Variants in KREMEN1 observed in about 807,000 individuals in gnomAD.
KREMEN1 encodes the protein kringle containing transmembrane protein 1, also known as kremen protein 1.
Under a neutral mutation model 46.5 loss-of-function variants are expected in KREMEN1, and 30 were observed. The ratio of observed to expected loss-of-function variants is 0.65; its 90% CI spans 0.48 to 0.88. The LOEUF (loss-of-function observed/expected upper bound fraction) is 0.88. KREMEN1 is among the 40% of genes least tolerant of loss of function. The pLI is 0.00. For synonymous variants in KREMEN1, 214 were observed against 230.6 expected (o/e 0.93, Z 0.65); for missense variants, 533 against 596.9 (o/e 0.89, Z 1.11).
At position 29,084,897 on chromosome 22, in the gene KREMEN1, G is replaced by A. The variant is rs138187109; in HGVS notation, c.98-9361G>A. Reference sequence around the variant, plus strand: ...TTTGAGAGGCATGGCCTTTCCTTCCGTACTGTTTTTAAGGGCACCATCTCC... The same window carrying A: ...TTTGAGAGGCATGGCCTTTCCTTCCATACTGTTTTTAAGGGCACCATCTCC... On this transcript the variant is annotated intron_variant, in intron 1 of 8. Transcript: ENST00000400335. Among the ~76,000 whole-genome samples the A allele has an allele frequency of 3.8e-3, 581 of 152,066 alleles. 2 individuals carry two copies. Among genetic ancestry groups the A allele is most frequent in the African/African-American group, 9.2e-3 (381 of 41,464 alleles).
intron 3 of KREMEN1, among the ~76,000 whole-genome samples, chr22:29,115,192 CA>C (rs71324741): frequency 0.073 from 11,125 of 152,166 alleles, 551 homozygotes; most frequent in South Asian, 0.099. Context: ...AATGGAAAAC[CA>C]AACATTGTAT....
chr22:29,093,487 C>G (rs2037832734), intron 1 of KREMEN1, among the ~76,000 whole-genome samples: 1 of 152,200 alleles, frequency 6.6e-6, no homozygotes, highest in Admixed American at 6.5e-5. Flanking sequence ...CAGTCCCCAT[C>G]CCCCAAAGTC....
chr22:29,164,966 G>A (rs132312), intron 9 of KREMEN1, among the ~76,000 whole-genome samples: 134,245 of 151,658 alleles, frequency 0.89, 59,832 homozygotes, highest in Non-Finnish European at 0.93. Flanking sequence ...CAAAGTCAGG[G>A]GTTCTAGACC....
intron 2 of KREMEN1, among the ~76,000 whole-genome samples, chr22:29,096,067 T>C (rs2037878369): frequency 6.6e-6 from 1 of 152,194 alleles, no homozygotes; most frequent in Non-Finnish European, 1.5e-5. Flanking sequence ...TATTAAATAG[T>C]TCTTTTATAT....
chr22:29,073,305 GC>G lies in KREMEN1; in HGVS notation c.97+83del. 1 of 499,650 alleles carries G rather than the reference GC, an allele frequency of 2.0e-6. No individual in the cohort carries two copies. Among genetic ancestry groups the G allele is most frequent in the Non-Finnish European group, 2.8e-6 (1 of 355,412 alleles). 31.0% of individuals were successfully genotyped at this position (499,650 alleles called of 1,614,324 possible). A position where few individuals can be genotyped will look rare whatever the true frequency, so the allele number is the denominator to read the frequency against. ...GCGACAAGGGCCGGCCGGCCTGAGA[GC>G]CCCCTCCCTCCCGCTTCAGGACCTT... On this transcript the variant is annotated intron_variant, in intron 1 of 8. Transcript: ENST00000400335. This position sits in a 1 kb window ranked among gnomAD's most constrained non-coding sequence, Gnocchi z 4.4.
chr22:29,076,481 GA>G (rs1433668024), intron 1 of KREMEN1, among the ~76,000 whole-genome samples: 1 of 152,186 alleles, frequency 6.6e-6, no homozygotes, highest in Non-Finnish European at 1.5e-5. Flanking sequence ...AGTATTTTAA[GA>G]AACACCATTT....
At chr22:29,095,949 C>T (rs2037877355) in intron 2 of KREMEN1, among the ~76,000 whole-genome samples, 1 of 152,006 alleles carries the variant, frequency 6.6e-6, no homozygotes, top group Admixed American at 6.5e-5. Flanking sequence ...ACCTATTTTC[C>T]CTGAAACCCT....
chr22:29,156,021 T>C (rs2038958568), intron 9 of KREMEN1, among the ~76,000 whole-genome samples: 1 of 152,124 alleles, frequency 6.6e-6, no homozygotes, highest in African/African-American at 2.4e-5. Context: ...TCTCTCTCAC[T>C]GTCACACTGC....
intron 3 of KREMEN1, among the ~76,000 whole-genome samples, chr22:29,107,381 C>T (rs540638742): frequency 6.6e-6 from 1 of 151,872 alleles, no homozygotes; most frequent in South Asian, 2.1e-4. Flanking sequence ...CACAACCGTG[C>T]CCAGCTAATT....
chr22:29,150,288 C>T (rs563811615), downstream of KREMEN1, among the ~76,000 whole-genome samples: 1 of 152,204 alleles, frequency 6.6e-6, no homozygotes, highest in African/African-American at 2.4e-5. Context: ...ATCTCCAGGA[C>T]AGCTTGGCTG....
chr22:29,133,420 C>T (rs1213512732), intron 5 of KREMEN1, among the ~76,000 whole-genome samples: 1 of 151,950 alleles, frequency 6.6e-6, no homozygotes, highest in Non-Finnish European at 1.5e-5. Context: ...CCTGCCTTAG[C>T]CTCCTGAGTA....
At position 29,143,755 on chromosome 22, in the gene KREMEN1, A is replaced by C. The variant is rs2038808359; in HGVS notation, c.*1643A>C. 10 of 985,088 alleles carry C rather than the reference A, an allele frequency of 1.0e-5. No individual in the cohort carries two copies. Among genetic ancestry groups the C allele is most frequent in the Admixed American group, 6.2e-5 (1 of 16,210 alleles). The allele number at this position is 985,088 out of a possible 1,614,324, so 61.0% of individuals were successfully genotyped here. On this transcript the variant is annotated 3_prime_UTR_variant, in exon 9 of 9. Coordinates refer to ENST00000400335, the MANE Select transcript of KREMEN1 (RefSeq NM_001039570.3). ...AGACTCTGTCTCAAAAAAAAAAAAA[A>C]CACTCCAAGGGCCATCCGTGCTCTC...
intron 3 of KREMEN1, among the ~76,000 whole-genome samples, chr22:29,117,471 G>A (rs984419205): frequency 6.6e-6 from 1 of 152,030 alleles, no homozygotes; most frequent in African/African-American, 2.4e-5. Context: ...GGAGGCTGAG[G>A]CAGGAGAATG....
At chr22:29,164,140 A>G (rs757467406) in intron 9 of KREMEN1, among the ~76,000 whole-genome samples, 34 of 152,392 alleles carry the variant, frequency 2.2e-4, no homozygotes, top group Non-Finnish European at 4.1e-4. Flanking sequence ...TAAAAAGAAC[A>G]GTCCAGATGT....
chr22:29,132,588 A>G (rs2038580067), intron 5 of KREMEN1, among the ~76,000 whole-genome samples: 1 of 152,210 alleles, frequency 6.6e-6, no homozygotes. Flanking sequence ...GGTATGTAGT[A>G]GTATCTCATT....
At chr22:29,121,653 A>G (rs1389772453) in intron 4 of KREMEN1, among the ~76,000 whole-genome samples, 172 bp downstream of exon 4, 1 of 152,240 alleles carries the variant, frequency 6.6e-6, no homozygotes, top group African/African-American at 2.4e-5. Flanking sequence ...AGGGATAGAA[A>G]GCAGGTTAGT....
chr22:29,120,082 A>AAC (rs376958409), intron 3 of KREMEN1, among the ~76,000 whole-genome samples: 1,202 of 56,328 alleles, frequency 0.021, 136 homozygotes, highest in African/African-American at 0.092. Flanking sequence ...TGATGAAGGA[A>AAC]ATGGAGGAGG....
At chr22:29,081,141 C>G (rs1011450913) in intron 1 of KREMEN1, among the ~76,000 whole-genome samples, 3 of 151,930 alleles carry the variant, frequency 2.0e-5, no homozygotes, top group African/African-American at 4.8e-5. Flanking sequence ...CCTCCCCACT[C>G]CCCCCGTCCT....
intron 5 of KREMEN1, among the ~76,000 whole-genome samples, chr22:29,136,546 G>C (rs1206502771): frequency 2.0e-5 from 3 of 149,816 alleles, no homozygotes; most frequent in Non-Finnish European, 4.4e-5. Flanking sequence ...CTGCACTCCA[G>C]CCTGGGAGAC....
Sources: gnomAD v4.1 joint callset for allele counts (sites outside exome capture counted in the v4.1 genomes callset) on GRCh38, gnomAD v4.1.1 for gene constraint, Gnocchi (gnomAD v3.1) non-coding constraint, MANE v1.5 for transcripts, NCBI Gene and HGNC (gene_info 2026-07-23, HGNC 2026-07-21) for gene names.